The following OSBP2 variants were observed in gnomAD, a reference collection of about 807,000 sequenced individuals.
The protein encoded by OSBP2 is oxysterol-binding protein 2.
In OSBP2, 66 loss-of-function variants were observed where a neutral mutation model predicts 96.0. That is an observed-to-expected ratio of 0.69 (90% CI 0.56 to 0.84). The LOEUF (loss-of-function observed/expected upper bound fraction) is 0.84. Among genes scored for constraint, OSBP2 ranks in the 40% least tolerant of loss-of-function variants. The pLI is 0.00. For missense variants in OSBP2, 1,038 were observed against 1,222.7 expected (o/e 0.85, Z 2.25); for synonymous variants, 525 against 520.9 (o/e 1.01, Z -0.11).
chr22:30,842,160 T>A (rs1261495389), intron 2 of OSBP2, among the ~76,000 whole-genome samples: 7 of 152,174 alleles, frequency 4.6e-5, no homozygotes, highest in Non-Finnish European at 8.8e-5. Context: ...TCACCCAGGC[T>A]GGTCTCGAAC....
chr22:30,821,594 A>C (rs1478841789), intron 2 of OSBP2, among the ~76,000 whole-genome samples: 1 of 152,030 alleles, frequency 6.6e-6, no homozygotes, highest in East Asian at 1.9e-4. Flanking sequence ...GGGTGCGGGG[A>C]TAGGGAAGCT....
chr22:30,779,529 T>G (rs2090486030), intron 2 of OSBP2, among the ~76,000 whole-genome samples: 1 of 152,106 alleles, frequency 6.6e-6, no homozygotes, highest in Admixed American at 6.6e-5. Context: ...ATGGGGACAT[T>G]TGCAAATGCC....
chr22:30,902,999 T>G (rs2147194044), intron 12 of OSBP2, among the ~76,000 whole-genome samples: 1 of 152,240 alleles, frequency 6.6e-6, no homozygotes, highest in South Asian at 2.1e-4. Context: ...TTGTGCGTTT[T>G]TTTCTTTCTA....
At chr22:30,779,538 C>A (rs136309) in intron 2 of OSBP2, among the ~76,000 whole-genome samples, 36,376 of 151,876 alleles carry the variant, frequency 0.24, 4,767 homozygotes, top group African/African-American at 0.35. Flanking sequence ...TTTGCAAATG[C>A]CTCCAGAGGG....
intron 1 of OSBP2, among the ~76,000 whole-genome samples, chr22:30,733,661 G>A (rs2089812812): frequency 1.3e-5 from 2 of 152,166 alleles, no homozygotes; most frequent in South Asian, 4.1e-4. Flanking sequence ...GATGTACAAG[G>A]TTTGGGTCCA....
At chr22:30,798,118 A>G (rs2090791121) in intron 2 of OSBP2, among the ~76,000 whole-genome samples, 1 of 152,206 alleles carries the variant, frequency 6.6e-6, no homozygotes, top group Admixed American at 6.5e-5. Context: ...TTTAGATGGT[A>G]GCCGTCCTAG....
At chr22:30,783,478 T>C (rs1001573988) in intron 2 of OSBP2, among the ~76,000 whole-genome samples, 2 of 151,774 alleles carry the variant, frequency 1.3e-5, no homozygotes, top group Non-Finnish European at 2.9e-5. Flanking sequence ...TGTGCCACCA[T>C]GGCCGGCTAA....
chr22:30,814,049 G>A (rs1055080929), intron 2 of OSBP2, among the ~76,000 whole-genome samples: 21 of 152,074 alleles, frequency 1.4e-4, no homozygotes, highest in East Asian at 3.9e-4. Flanking sequence ...TGATCCACTC[G>A]CCTCAGCTTT....
intron 12 of OSBP2, among the ~76,000 whole-genome samples, 144 bp from the exon 13 acceptor site, chr22:30,905,679 TCACTGGGGTGGGCC>T (rs2040315052): frequency 6.6e-6 from 1 of 152,050 alleles, no homozygotes; most frequent in South Asian, 2.1e-4. Context: ...CCGGGTGGGC[TCACTGGGGTGGGCC>T]CAAGGCCAGA....
intron 2 of OSBP2, among the ~76,000 whole-genome samples, chr22:30,782,707 A>G (rs1285193535): frequency 1.3e-5 from 2 of 152,232 alleles, no homozygotes; most frequent in Admixed American, 1.3e-4. Flanking sequence ...TTCGGCCATA[A>G]CAGAGCTGCT....
intron 2 of OSBP2, among the ~76,000 whole-genome samples, chr22:30,846,767 T>C (rs998688619): frequency 6.6e-6 from 1 of 152,218 alleles, no homozygotes; most frequent in African/African-American, 2.4e-5. Context: ...TATTTCATCA[T>C]TGAACCAACA....
At chr22:30,845,816 G>C (rs984001648) in intron 2 of OSBP2, among the ~76,000 whole-genome samples, 1 of 150,098 alleles carries the variant, frequency 6.7e-6, no homozygotes, top group African/African-American at 2.5e-5. Context: ...AGGAGGTGGA[G>C]GTTGCAGTGA....
At chr22:30,761,966 C>T (rs116916242) in intron 2 of OSBP2, among the ~76,000 whole-genome samples, 2,342 of 152,248 alleles carry the variant, frequency 0.015, 31 homozygotes, top group Middle Eastern at 0.044. Flanking sequence ...AACTATAATA[C>T]TCCCAGCAGT....
intron 2 of OSBP2, among the ~76,000 whole-genome samples, chr22:30,759,788 A>G (rs940282999): frequency 6.6e-6 from 1 of 152,262 alleles, no homozygotes; most frequent in Non-Finnish European, 1.5e-5. Flanking sequence ...TGAAAAAAGA[A>G]TAACACTATT....
At chr22:30,729,077 T>C (rs982182225) in intron 1 of OSBP2, among the ~76,000 whole-genome samples, 2 of 152,164 alleles carry the variant, frequency 1.3e-5, no homozygotes, top group African/African-American at 4.8e-5. Flanking sequence ...CGAGGTTGAG[T>C]GCTTTTTCAT....
intron 9 of OSBP2, 106 bp from the exon 10 acceptor site, chr22:30,893,357 G>C (rs1242681125): frequency 6.5e-7 from 1 of 1,536,398 alleles, no homozygotes; most frequent in African/African-American, 1.4e-5. Context: ...CTGTAGGCCT[G>C]CCTCTTCAAC....
intron 2 of OSBP2, among the ~76,000 whole-genome samples, chr22:30,749,898 G>A (rs2090052781): frequency 6.6e-6 from 1 of 151,798 alleles, no homozygotes; most frequent in Admixed American, 6.6e-5. Context: ...GTGAGCCACC[G>A]CGCCTGGCCA....
rs576506052 is a variant in OSBP2 at position 30,740,835 on chromosome 22, T to G, written c.645-326T>G. Reference sequence around the variant, plus strand: ...GTTTAGCATAGAGTCCGAAGGCTGATCTGTCTTGAGAGACCTGGGCAGTCA... The same window carrying G: ...GTTTAGCATAGAGTCCGAAGGCTGAGCTGTCTTGAGAGACCTGGGCAGTCA... On this transcript the variant is annotated intron_variant, in intron 1 of 13. Coordinates refer to ENST00000332585, the MANE Select transcript of OSBP2 (RefSeq NM_030758.4). Among the ~76,000 whole-genome samples the G allele has an allele frequency of 6.6e-5, 10 of 152,296 alleles. No individual in the cohort carries two copies. In the South Asian group the frequency reaches 2.1e-3, roughly 32 times the overall value.
chr22:30,745,189 T>C (rs2089982818), intron 2 of OSBP2, among the ~76,000 whole-genome samples: 1 of 152,052 alleles, frequency 6.6e-6, no homozygotes, highest in South Asian at 2.1e-4. Context: ...AATGTATAGT[T>C]CTATCTAATC....
Sources: allele counts gnomAD v4.1 joint callset (sites outside exome capture counted in the v4.1 genomes callset), GRCh38; gene constraint gnomAD v4.1.1; transcripts MANE v1.5; gene names NCBI Gene and HGNC (gene_info 2026-07-23, HGNC 2026-07-21).